Variants in RALGAPA2 observed in about 807,000 individuals in gnomAD.
The protein encoded by RALGAPA2 is ral GTPase-activating protein subunit alpha-2.
In RALGAPA2, 139 loss-of-function variants were observed where a neutral mutation model predicts 230.4. That is an observed-to-expected ratio of 0.60 (90% CI 0.53 to 0.69). The LOEUF (loss-of-function observed/expected upper bound fraction) is 0.69. Among genes scored for constraint, RALGAPA2 ranks in the 30% least tolerant of loss-of-function variants. The pLI is 0.00. For missense variants in RALGAPA2, 2,163 were observed against 2,276.0 expected, an observed-to-expected ratio of 0.95 and a Z score of 1.01; for synonymous variants, 847 against 837.8, an observed-to-expected ratio of 1.01 and a Z score of -0.19.
chr20:20,697,228 A>G, intron 1 of RALGAPA2, among the ~76,000 whole-genome samples: 1 of 152,156 alleles, frequency 6.6e-6, no homozygotes, highest in South Asian at 2.1e-4. Flanking sequence ...CCATCAAACT[A>G]GAAAAATAAT....
chr20:20,503,344 C>A lies in RALGAPA2; in HGVS notation c.5208+7G>T. Reference sequence around the variant, plus strand: ...AGCTAAGAATGGTGCCCGAGGAGACCCCTTACCTTTTTGGTGAGGGAATCA... The same window carrying A: ...AGCTAAGAATGGTGCCCGAGGAGACACCTTACCTTTTTGGTGAGGGAATCA... On this transcript the variant is annotated splice_region_variant and intron_variant, in intron 35 of 39. Transcript: ENST00000202677. The A allele has an allele frequency of 6.4e-7, 1 of 1,566,486 alleles. No homozygotes were observed.
At chr20:20,471,052 A>G (rs1019921616) in intron 37 of RALGAPA2, 1 of 152,186 alleles carries the variant, frequency 6.6e-6, no homozygotes, top group Non-Finnish European at 1.5e-5. Flanking sequence ...TATTTTTCCT[A>G]ATTTCTGTAC....
rs764011755 is a variant in RALGAPA2, at chr20:20,505,425, C to T, written c.5038G>A (p.Gly1680Arg). The change falls in exon 34 of 40, where the codon GGA becomes AGA. Residue 1680 changes from glycine (G) to arginine (R), a missense_variant. Gly to Arg is a moderately radical substitution (Grantham distance 125, BLOSUM62 -2). Transcript: ENST00000202677. The stretch of plus-strand genomic sequence containing the variant: ...AAATGCATTACCTCCCATCCAAGTC[C>T]AGCAACAAAGTCTTCATATGCTTGG... ...GSQAYEDFVAGLGWEVDLSTH... is the reference protein window; with the variant it reads ...GSQAYEDFVARLGWEVDLSTH... The T allele has an allele frequency of 6.3e-7, 1 of 1,599,518 alleles. No homozygotes were observed. The highest frequency in any genetic ancestry group is 2.2e-5 in the East Asian group (1 of 44,522).
intron 37 of RALGAPA2, among the ~76,000 whole-genome samples, chr20:20,470,594 C>CCGGG (rs1175523292): frequency 6.6e-6 from 1 of 152,114 alleles, no homozygotes; most frequent in African/African-American, 2.4e-5. Flanking sequence ...ACACCTAGAA[C>CCGGG]CGGGGCTGGC....
At chr20:20,600,823 C>T (rs920937339) in intron 16 of RALGAPA2, among the ~76,000 whole-genome samples, 1 of 152,140 alleles carries the variant, frequency 6.6e-6, no homozygotes, top group Non-Finnish European at 1.5e-5. Context: ...AAATGTAGGG[C>T]GGGCGCAGTG....
At chr20:20,543,552 A>G (rs913774637) in intron 24 of RALGAPA2, among the ~76,000 whole-genome samples, 2 of 152,192 alleles carry the variant, frequency 1.3e-5, no homozygotes, top group Non-Finnish European at 2.9e-5. Context: ...ATGCAGCCAT[A>G]AAAAAGGATG....
chr20:20,407,886 T>TG (rs2059978551), intron 38 of RALGAPA2, among the ~76,000 whole-genome samples: 2 of 152,342 alleles, frequency 1.3e-5, no homozygotes, highest in South Asian at 2.1e-4. Context: ...CAGACTAATC[T>TG]GGTTTAAGCT....
In RALGAPA2 at chr20:20,401,140, C is replaced by T. The variant is rs367837662; in HGVS notation, c.5618-4406G>A. On this transcript the variant is annotated intron_variant, in intron 38 of 39. Transcript: ENST00000202677. ...AACCTAATGAATAGACCAAAAACAT[C>T]GACTTGTATACTTCATGTGGTTGAA... Among the ~76,000 whole-genome samples the T allele has an allele frequency of 5.8e-4, 89 of 152,232 alleles. No individual in the cohort carries two copies. In the South Asian group the frequency reaches 6.9e-3, roughly 12 times the overall value.
At chr20:20,545,015 T>C (rs953241413) in intron 24 of RALGAPA2, among the ~76,000 whole-genome samples, 1 of 152,210 alleles carries the variant, frequency 6.6e-6, no homozygotes, top group Admixed American at 6.5e-5. Flanking sequence ...AACTTAAGTA[T>C]AATTTAAAAA....
chr20:20,441,132 T>A (rs1373184342), intron 37 of RALGAPA2, among the ~76,000 whole-genome samples: 3 of 151,140 alleles, frequency 2.0e-5, no homozygotes, highest in African/African-American at 7.4e-5. Flanking sequence ...AAAAGCCGAA[T>A]TTAATGGAGT....
chr20:20,629,979 A>C (rs993471003), intron 9 of RALGAPA2, among the ~76,000 whole-genome samples: 3 of 152,210 alleles, frequency 2.0e-5, no homozygotes, highest in African/African-American at 7.2e-5. Context: ...AGAGATTGGA[A>C]TATTCAGGGG....
chr20:20,701,451 G>C (rs1477427531), intron 1 of RALGAPA2, among the ~76,000 whole-genome samples: 2 of 152,184 alleles, frequency 1.3e-5, no homozygotes, highest in Non-Finnish European at 2.9e-5. Context: ...AAATAAACAT[G>C]GTGTGGGCCG....
At chr20:20,634,043 T>G (rs2146454765) in intron 9 of RALGAPA2, among the ~76,000 whole-genome samples, 1 of 152,334 alleles carries the variant, frequency 6.6e-6, no homozygotes, top group Non-Finnish European at 1.5e-5. Context: ...TGGAAACCTA[T>G]ACTACTGTCT....
At chr20:20,638,035 C>G (rs1489694681) in intron 7 of RALGAPA2, among the ~76,000 whole-genome samples, 1 of 152,162 alleles carries the variant, frequency 6.6e-6, no homozygotes, top group Non-Finnish European at 1.5e-5. Context: ...CTACGATAAA[C>G]CAGACATGCC....
intron 14 of RALGAPA2, among the ~76,000 whole-genome samples, chr20:20,609,450 G>A (rs1187292024): frequency 6.6e-6 from 1 of 152,148 alleles, no homozygotes; most frequent in African/African-American, 2.4e-5. Context: ...GGTCATCTGA[G>A]GAGGGAAGTA....
chr20:20,684,951 T>A (rs979895045), intron 1 of RALGAPA2, among the ~76,000 whole-genome samples: 3 of 152,154 alleles, frequency 2.0e-5, no homozygotes, highest in African/African-American at 7.2e-5. Context: ...TGTCTTTTTT[T>A]AAAAGACTCA....
Position 20,591,218 on chromosome 20 carries a change from G to GTGC in RALGAPA2, c.2297_2299dup (p.Ser766dup), listed in dbSNP as rs771606460. 81 of 1,613,762 alleles carry GTGC rather than the reference G, an allele frequency of 5.0e-5. No homozygotes were observed. The highest frequency in any genetic ancestry group is 5.4e-5 in the Non-Finnish European group (64 of 1,179,838). On this transcript the variant is annotated inframe_insertion, in exon 17 of 40. Coordinates refer to ENST00000202677, the MANE Select transcript of RALGAPA2 (RefSeq NM_020343.4). ...GCACAGCGGCTCGGGGATGTCGGAG[G>GTGC]TGCTGCTGCTCCGAAGGACCTGCTG...
intron 33 of RALGAPA2, among the ~76,000 whole-genome samples, chr20:20,510,843 G>C (rs955756529): frequency 2.0e-5 from 3 of 152,184 alleles, no homozygotes; most frequent in Admixed American, 2.0e-4. Flanking sequence ...AGTACAGAAT[G>C]TTAGCGCCTT....
At chr20:20,566,994 TC>T (rs1278123226) in intron 23 of RALGAPA2, among the ~76,000 whole-genome samples, 1 of 152,218 alleles carries the variant, frequency 6.6e-6, no homozygotes, top group African/African-American at 2.4e-5. Flanking sequence ...TCCCAAAATG[TC>T]TATATGCATA....
Sources: allele counts gnomAD v4.1 joint callset (sites outside exome capture counted in the v4.1 genomes callset), GRCh38; gene constraint gnomAD v4.1.1; transcripts MANE v1.5; gene names NCBI Gene and HGNC (gene_info 2026-07-23, HGNC 2026-07-21).